The following UNC13C variants were observed in gnomAD, a reference collection of about 807,000 sequenced individuals.
UNC13C encodes protein unc-13 homolog C.
In UNC13C, 174 loss-of-function variants were observed where a neutral mutation model predicts 245.4. The ratio of observed to expected loss-of-function variants is 0.71; its 90% CI spans 0.63 to 0.80. The LOEUF is 0.80. Among genes scored for constraint, UNC13C ranks in the 30% least tolerant of loss-of-function variants. UNC13C has a pLI of 0.00. For missense variants in UNC13C, 2,829 were observed against 2,602.9 expected (o/e 1.09, Z -1.89); for synonymous variants, 992 against 895.1 (o/e 1.11, Z -1.93).
chr15:53,996,430 T>G (rs1052571250), intron 1 of UNC13C, among the ~76,000 whole-genome samples: 1 of 152,214 alleles, frequency 6.6e-6, no homozygotes, highest in African/African-American at 2.4e-5. Flanking sequence ...TGTCTTTGAT[T>G]GCAGGGTTGA....
chr15:54,425,613 T>C (rs2040743880), intron 19 of UNC13C, among the ~76,000 whole-genome samples: 1 of 151,798 alleles, frequency 6.6e-6, no homozygotes, highest in Admixed American at 6.6e-5. Context: ...GAGAAGTTAG[T>C]CTAGATCAGT....
rs189986475 is a variant in UNC13C at position 54,491,880 on chromosome 15, A to T, written c.4934-2728A>T. ...TAGCGGGCGCCTGTAAGTCCCAGCT[A>T]TTCGGAGAGGCTGAGGCAGGAGAAT... On this transcript the variant is annotated intron_variant, in intron 19 of 32. Coordinates refer to ENST00000260323, the MANE Select transcript of UNC13C (RefSeq NM_001080534.3). Among the ~76,000 whole-genome samples, 534 of 151,946 alleles carry T rather than the reference A, an allele frequency of 3.5e-3. 3 individuals carry two copies. The highest frequency in any genetic ancestry group is 0.012 in the African/African-American group (518 of 41,452).
chr15:54,534,437 G>A (rs183359060), intron 26 of UNC13C, among the ~76,000 whole-genome samples: 102 of 152,156 alleles, frequency 6.7e-4, no homozygotes, highest in African/African-American at 2.1e-3. Flanking sequence ...AACACTATTC[G>A]AACAACAGCA....
At chr15:54,552,661 A>G (rs1430461939) in intron 28 of UNC13C, among the ~76,000 whole-genome samples, 8 of 78,028 alleles carry the variant, frequency 1.0e-4, no homozygotes, top group African/African-American at 5.1e-4. Context: ...TAATTATATT[A>G]TATTGTACTA....
chr15:53,970,473 G>A, the UNC13C span, among the ~76,000 whole-genome samples: 10 of 152,224 alleles, frequency 6.6e-5, no homozygotes, highest in Non-Finnish European at 1.0e-4. Flanking sequence ...TCTACCTCTT[G>A]GCTATTGTGA....
chr15:54,457,085 G>A (rs1426123589), intron 19 of UNC13C, among the ~76,000 whole-genome samples: 1 of 152,064 alleles, frequency 6.6e-6, no homozygotes, highest in African/African-American at 2.4e-5. Flanking sequence ...TTTTAATCAG[G>A]AAGGGATGCT....
chr15:54,099,640 C>G (rs1415993268), intron 2 of UNC13C, among the ~76,000 whole-genome samples: 2 of 152,094 alleles, frequency 1.3e-5, no homozygotes, highest in African/African-American at 4.8e-5. Context: ...AATTCCTAAA[C>G]CTAAGTGCAT....
At chr15:54,181,889 C>A (rs1595960717) in intron 4 of UNC13C, among the ~76,000 whole-genome samples, 1 of 151,896 alleles carries the variant, frequency 6.6e-6, no homozygotes, top group Non-Finnish European at 1.5e-5. Context: ...GACTTTGTAT[C>A]CTGAAACTGT....
the UNC13C span, among the ~76,000 whole-genome samples, chr15:53,875,006 T>C: frequency 2.0e-5 from 3 of 152,150 alleles, no homozygotes; most frequent in Non-Finnish European, 4.4e-5. Flanking sequence ...GGCAGGAGAA[T>C]CGCATGAACC....
chr15:54,344,094 G>A (rs921306064), intron 17 of UNC13C, among the ~76,000 whole-genome samples: 4 of 152,160 alleles, frequency 2.6e-5, no homozygotes, highest in Admixed American at 1.3e-4. Flanking sequence ...ATGGAAGTTC[G>A]AAAGTTGGGG....
intron 19 of UNC13C, among the ~76,000 whole-genome samples, chr15:54,446,716 T>C (rs948907600): frequency 1.3e-5 from 2 of 152,210 alleles, no homozygotes; most frequent in African/African-American, 4.8e-5. Context: ...TTTCTAGATA[T>C]ACAATCATGT....
At chr15:54,455,199 CTCTCTCTATATATATA>C (rs1159398845) in intron 19 of UNC13C, among the ~76,000 whole-genome samples, 4 of 38,766 alleles carry the variant, frequency 1.0e-4, no homozygotes, top group African/African-American at 2.5e-4. Context: ...CTCTCTCTCT[CTCTCTCTATATATATA>C]TATATATATA....
rs377756571 is a variant in UNC13C at position 54,431,105 on chromosome 15, C to T, written c.4933+16038C>T. 8.6e-5 allele frequency among the ~76,000 whole-genome samples: 13 copies of T among 151,778 alleles called. 1 individual carries two copies. Among genetic ancestry groups the T allele is most frequent in the East Asian group, 2.0e-4 (1 of 5,126 alleles). Reference sequence around the variant, plus strand: ...GAATATTCAGAATAATTATTGCTGACGGAGTACTGGACTTGGAGATTTATT... The same window carrying T: ...GAATATTCAGAATAATTATTGCTGATGGAGTACTGGACTTGGAGATTTATT... On this transcript the variant is annotated intron_variant, in intron 19 of 32. Transcript: ENST00000260323.
chr15:53,983,181 T>C (rs1326985317), intron 1 of UNC13C, among the ~76,000 whole-genome samples: 1 of 152,120 alleles, frequency 6.6e-6, no homozygotes, highest in Non-Finnish European at 1.5e-5. Flanking sequence ...CAAATAGCAT[T>C]AGGATACTTA....
chr15:54,181,343 G>A (rs182574484), intron 4 of UNC13C, among the ~76,000 whole-genome samples: 1 of 151,964 alleles, frequency 6.6e-6, no homozygotes, highest in African/African-American at 2.4e-5. Context: ...TCTCTCTTCT[G>A]TTCCATTGGT....
At chr15:54,410,866 A>C (rs189218892) in intron 18 of UNC13C, among the ~76,000 whole-genome samples, 13 of 152,244 alleles carry the variant, frequency 8.5e-5, no homozygotes, top group African/African-American at 2.6e-4. Context: ...ATATGAATTT[A>C]GAATTTTTCT....
chr15:54,334,300 T>C (rs2038517364), intron 16 of UNC13C, among the ~76,000 whole-genome samples: 1 of 152,168 alleles, frequency 6.6e-6, no homozygotes, highest in African/African-American at 2.4e-5. Flanking sequence ...TGTGTAGGAA[T>C]ATATTTGATC....
At chr15:54,549,747 C>A in intron 28 of UNC13C, 56 bp downstream of exon 28, 1 of 1,112,198 alleles carries the variant, frequency 9.0e-7, no homozygotes, top group Non-Finnish European at 1.3e-6. Context: ...AACTACAGTT[C>A]TGCAAGCATC....
intron 30 of UNC13C, among the ~76,000 whole-genome samples, chr15:54,611,964 T>G (rs1429156116): frequency 1.3e-5 from 2 of 152,142 alleles, no homozygotes; most frequent in Non-Finnish European, 2.9e-5. Context: ...CTGTCAAGTT[T>G]ACAACTGTTG....
Sources: allele counts gnomAD v4.1 joint callset (sites outside exome capture counted in the v4.1 genomes callset), GRCh38; gene constraint gnomAD v4.1.1; transcripts MANE v1.5; gene names NCBI Gene and HGNC (gene_info 2026-07-23, HGNC 2026-07-21).